The following LNX1 variants were observed in gnomAD, a reference collection of about 807,000 sequenced individuals.
LNX1 encodes ligand of numb-protein X 1, also known as E3 ubiquitin-protein ligase LNX.
Under a neutral mutation model 68.4 loss-of-function variants are expected in LNX1, and 54 were observed. The observed-to-expected ratio is 0.79, with a 90% CI of 0.63 to 0.99. The LOEUF (loss-of-function observed/expected upper bound fraction) is 0.99, where lower values mean the gene tolerates loss of function less well. LNX1 is among the 50% of genes least tolerant of loss of function. The pLI, the probability that LNX1 is intolerant of heterozygous loss-of-function variation, is 0.00. For synonymous variants in LNX1, 336 were observed against 350.0 expected (o/e 0.96, Z 0.45); for missense variants, 906 against 926.4 (o/e 0.98, Z 0.29).
intron 2 of LNX1, among the ~76,000 whole-genome samples, chr4:53,533,619 C>T (rs893467477): frequency 6.6e-6 from 1 of 152,148 alleles, no homozygotes; most frequent in African/African-American, 2.4e-5. Context: ...AGACTGGTCT[C>T]AAACTCCTGT....
chr4:53,620,875 G>C (rs1733844942), upstream of LNX1, among the ~76,000 whole-genome samples: 1 of 152,138 alleles, frequency 6.6e-6, no homozygotes, highest in Admixed American at 6.5e-5. Context: ...CTCAGGGAAG[G>C]ATGAGAAAGC....
At chr4:53,566,822 A>G (rs1260703973) in intron 2 of LNX1, among the ~76,000 whole-genome samples, 4 of 149,974 alleles carry the variant, frequency 2.7e-5, no homozygotes, top group African/African-American at 9.7e-5. Flanking sequence ...AGCAAATGGA[A>G]AACAAAAAAA....
chr4:53,476,893 C>A lies in LNX1; in HGVS notation c.1752G>T (p.Ser584=). ...TGACTTCCAAAGCTTTGAGTACTAT[C>A]GAGGATGATGTTCTTTTCAATAATG... ...AVALLKRTSS[S]IVLKALEVKE... Residue 584 remains serine (S), a synonymous_variant, in exon 9 of 11, where the codon TCG becomes TCT. Transcript: ENST00000263925. 2 of 1,614,144 alleles carry A rather than the reference C, an allele frequency of 1.2e-6. No individual in the cohort carries two copies. Among genetic ancestry groups the A allele is most frequent in the East Asian group, 4.5e-5 (2 of 44,882 alleles).
intron 1 of LNX1, among the ~76,000 whole-genome samples, chr4:53,616,746 TTTAG>T (rs1733695935): frequency 1.3e-5 from 2 of 152,190 alleles, no homozygotes; most frequent in African/African-American, 4.8e-5. Flanking sequence ...AATTGGTTAA[TTTAG>T]TTAATTAGTT....
At chr4:53,559,252 C>T (rs1730119024) in intron 2 of LNX1, among the ~76,000 whole-genome samples, 3 of 152,162 alleles carry the variant, frequency 2.0e-5, no homozygotes, top group African/African-American at 7.2e-5. Flanking sequence ...TTAGAATGTG[C>T]AGATTTAATT....
At chr4:53,641,135 G>A (rs1734664624) in intron 1 of LNX1, among the ~76,000 whole-genome samples, 2 of 119,622 alleles carry the variant, frequency 1.7e-5, no homozygotes, top group Non-Finnish European at 3.2e-5. Flanking sequence ...ATGTGGCATG[G>A]TTTTTTGGCC....
chr4:53,591,597 T>C (rs1188493986), upstream of LNX1: 1 of 985,298 alleles, frequency 1.0e-6, no homozygotes. Flanking sequence ...AAAGCATTGC[T>C]GAGACCTTAG....
chr4:53,602,586 G>A (rs1341653987), intron 2 of LNX1, among the ~76,000 whole-genome samples: 14 of 152,186 alleles, frequency 9.2e-5, no homozygotes, highest in African/African-American at 2.2e-4. Context: ...CTCCTATAAT[G>A]GGCGGTCTGT....
chr4:53,535,338 C>G (rs1384019926), intron 2 of LNX1, among the ~76,000 whole-genome samples: 1 of 152,130 alleles, frequency 6.6e-6, no homozygotes, highest in African/African-American at 2.4e-5. Context: ...TATCTTTCTC[C>G]TTGAAATGTT....
chr4:53,472,631 G>A (rs1723283689), intron 9 of LNX1, among the ~76,000 whole-genome samples: 1 of 133,114 alleles, frequency 7.5e-6, no homozygotes, highest in Non-Finnish European at 1.6e-5. Flanking sequence ...TTGATTTTCT[G>A]TATTAAATCA....
At chr4:53,541,633 A>G (rs1277614804) in intron 2 of LNX1, among the ~76,000 whole-genome samples, 1 of 152,212 alleles carries the variant, frequency 6.6e-6, no homozygotes, top group Admixed American at 6.5e-5. Context: ...ATATAAGGCC[A>G]AGAAAACGGA....
chr4:53,597,839 G>A (rs1404605459), intron 2 of LNX1, among the ~76,000 whole-genome samples: 1 of 152,138 alleles, frequency 6.6e-6, no homozygotes, highest in Non-Finnish European at 1.5e-5. Flanking sequence ...AGGAAAAGGG[G>A]TCCTCCTTGA....
intron 2 of LNX1, chr4:53,558,054 C>T: frequency 6.4e-7 from 1 of 1,569,876 alleles, no homozygotes; most frequent in Non-Finnish European, 8.6e-7. Context: ...CAAACCTTGC[C>T]ATGCCCCCAC....
At chr4:53,546,041 A>T (rs190480542) in intron 2 of LNX1, among the ~76,000 whole-genome samples, 1 of 152,076 alleles carries the variant, frequency 6.6e-6, no homozygotes, top group East Asian at 1.9e-4. Flanking sequence ...TCCTGACCTC[A>T]AGTGATCCAC....
Position 53,507,971 on chromosome 4 carries a change from A to G in LNX1, c.622+15T>C, listed in dbSNP as rs763183281. ...CCAAGGAGCCCATTCCCGGACAACCACCCATTTGACTCACCCCTAGTTCGG... is the reference window on the plus strand; with the variant it reads ...CCAAGGAGCCCATTCCCGGACAACCGCCCATTTGACTCACCCCTAGTTCGG... On this transcript the variant is annotated intron_variant, in intron 3 of 10. Coordinates refer to ENST00000263925, the MANE Select transcript of LNX1 (RefSeq NM_001126328.3). The G allele has an allele frequency of 1.6e-5, 25 of 1,604,318 alleles. No individual in the cohort carries two copies. The highest frequency in any genetic ancestry group is 2.0e-5 in the Non-Finnish European group (24 of 1,172,100).
chr4:53,623,634 A>AG (rs966368304), intron 1 of LNX1, among the ~76,000 whole-genome samples: 1 of 152,012 alleles, frequency 6.6e-6, no homozygotes, highest in African/African-American at 2.4e-5. Context: ...ATAAAATGTA[A>AG]TTTTAGCCAA....
At chr4:53,566,469 G>T (rs999715865) in intron 2 of LNX1, among the ~76,000 whole-genome samples, 6 of 151,362 alleles carry the variant, frequency 4.0e-5, no homozygotes, top group Non-Finnish European at 8.8e-5. Context: ...GTCACCACCA[G>T]GCCTGCCCTA....
intron 2 of LNX1, among the ~76,000 whole-genome samples, chr4:53,554,823 G>A (rs1415870908): frequency 6.7e-6 from 1 of 149,396 alleles, no homozygotes; most frequent in African/African-American, 2.5e-5. Context: ...TTGCACTCCA[G>A]CCTAGGCAAC....
chr4:53,581,908 T>A (rs1731861903), intron 1 of LNX1, among the ~76,000 whole-genome samples: 1 of 152,220 alleles, frequency 6.6e-6, no homozygotes, highest in Non-Finnish European at 1.5e-5. Context: ...ACTGATCTTG[T>A]CTTTATTTGA....
Sources: gnomAD v4.1 joint callset for allele counts (sites outside exome capture counted in the v4.1 genomes callset) on GRCh38, gnomAD v4.1.1 for gene constraint, MANE v1.5 for transcripts, NCBI Gene and HGNC (gene_info 2026-07-23, HGNC 2026-07-21) for gene names.